The following FGF18 variants were observed in gnomAD, a reference collection of about 807,000 sequenced individuals.
The protein encoded by FGF18 is fibroblast growth factor 18.
FGF18 carries 5 observed loss-of-function variants against 23.0 expected under a neutral mutation model. The ratio of observed to expected loss-of-function variants is 0.22; its 90% CI spans 0.11 to 0.46. FGF18 has a LOEUF of 0.46. Among genes scored for constraint, FGF18 ranks in the 20% least tolerant of loss-of-function variants. The pLI is 0.99. For synonymous variants in FGF18, 117 were observed against 118.9 expected (o/e 0.98, Z 0.10); for missense variants, 180 against 291.6 (o/e 0.62, Z 2.79).
rs774335810 is a variant in FGF18, at chr5:171,436,698, G to A, written c.250+425G>A. ...AGCCTAGTGTGTGTGTTATGTGCGC[G>A]TGTGCATATGGGTGCTTTGAGCTTG... On this transcript the variant is annotated intron_variant, in intron 3 of 4. Coordinates refer to ENST00000274625, the MANE Select transcript of FGF18 (RefSeq NM_003862.3). The surrounding 1 kb of genome is among the most constrained non-coding windows in gnomAD (Gnocchi z 4.4). 5.3e-5 allele frequency among the ~76,000 whole-genome samples: 8 copies of A among 152,192 alleles called. No individual in the cohort carries two copies. The highest frequency in any genetic ancestry group is 8.8e-5 in the Non-Finnish European group (6 of 68,040).
intron 2 of FGF18, among the ~76,000 whole-genome samples, chr5:171,428,938 A>T (rs1231262233): frequency 6.6e-6 from 1 of 152,034 alleles, no homozygotes; most frequent in East Asian, 1.9e-4. Flanking sequence ...CTCGGGCCCA[A>T]CCCCCCATCC....
At chr5:171,420,320 T>C in intron 1 of FGF18, 87 bp from the exon 2 acceptor site, 1 of 1,606,974 alleles carries the variant, frequency 6.2e-7, no homozygotes, top group South Asian at 1.1e-5. Flanking sequence ...GCCCGTCGGT[T>C]CACCTGACTC....
At chr5:171,453,566 G>A (rs1232617259) in intron 4 of FGF18, among the ~76,000 whole-genome samples, 2 of 152,210 alleles carry the variant, frequency 1.3e-5, no homozygotes, top group African/African-American at 4.8e-5. Context: ...GCAGTGGCTA[G>A]GGCAGGTTCA....
chr5:171,430,812 A>T (rs909967446), intron 2 of FGF18, among the ~76,000 whole-genome samples: 1 of 102,196 alleles, frequency 9.8e-6, no homozygotes, highest in Non-Finnish European at 2.2e-5. Flanking sequence ...AAAAAAAAAA[A>T]AAAAGAAAAA....
chr5:171,420,564 C>T (rs1771989160), intron 2 of FGF18, 121 bp downstream of exon 2: 3 of 976,360 alleles, frequency 3.1e-6, no homozygotes, highest in East Asian at 2.5e-5. Flanking sequence ...GCCCAGTGCA[C>T]CTGTTCCCAG....
chr5:171,445,721 G>C (rs1772409040), intron 3 of FGF18, among the ~76,000 whole-genome samples: 1 of 152,066 alleles, frequency 6.6e-6, no homozygotes, highest in African/African-American at 2.4e-5. Context: ...GATGGATGGG[G>C]GTGAGAGTGG....
chr5:171,449,411 G>GAC (rs1772465500), intron 4 of FGF18, among the ~76,000 whole-genome samples, 158 bp downstream of exon 4: 1 of 150,962 alleles, frequency 6.6e-6, no homozygotes. Context: ...GAGAGAGAGA[G>GAC]AGAGAGAGAG....
intron 4 of FGF18, among the ~76,000 whole-genome samples, chr5:171,450,739 C>A (rs1488667065): frequency 6.6e-6 from 1 of 152,054 alleles, no homozygotes; most frequent in African/African-American, 2.4e-5. Flanking sequence ...GCCGGGGCCA[C>A]GGACTGGGGC....
At chr5:171,448,654 TG>T (rs1561890465) in intron 3 of FGF18, among the ~76,000 whole-genome samples, 1 of 152,150 alleles carries the variant, frequency 6.6e-6, no homozygotes, top group Middle Eastern at 3.4e-3. Flanking sequence ...GCTTTGGGTT[TG>T]GGGGATGGGG....
chr5:171,456,522 C>T lies in FGF18; in HGVS notation c.358-17C>T, dbSNP rs201205601. 5.7e-4 allele frequency: 919 copies of T among 1,607,560 alleles called. 9 individuals carry two copies. In the Middle Eastern group the frequency reaches 0.011, roughly 19 times the overall value. ...GAGTCATTTTTTTCTTGAACACTCC[C>T]CCTCTCTCCCCTGCAGCCCGATGGC... On this transcript the variant is annotated splice_polypyrimidine_tract_variant and intron_variant, in intron 4 of 4. Coordinates refer to ENST00000274625, the MANE Select transcript of FGF18 (RefSeq NM_003862.3). This position sits in a 1 kb window ranked among gnomAD's most constrained non-coding sequence, Gnocchi z 6.1.
At chr5:171,444,573 A>G (rs1032180142) in intron 3 of FGF18, among the ~76,000 whole-genome samples, 4 of 142,530 alleles carry the variant, frequency 2.8e-5, no homozygotes, top group Non-Finnish European at 4.6e-5. Context: ...CAGAAGGGAA[A>G]AGGTCTTTCG....
chr5:171,422,567 T>C (rs1772030332), intron 2 of FGF18, among the ~76,000 whole-genome samples: 1 of 152,076 alleles, frequency 6.6e-6, no homozygotes, highest in Non-Finnish European at 1.5e-5. Flanking sequence ...GATAAAGAAA[T>C]GTTATCCTGG....
chr5:171,447,516 C>T (rs901596396), intron 3 of FGF18, among the ~76,000 whole-genome samples: 7 of 152,170 alleles, frequency 4.6e-5, no homozygotes, highest in African/African-American at 1.4e-4. Flanking sequence ...GAATGTGCCT[C>T]CCCCTGTTTC....
At chr5:171,433,979 T>C (rs1772214079) in intron 2 of FGF18, among the ~76,000 whole-genome samples, 1 of 151,934 alleles carries the variant, frequency 6.6e-6, no homozygotes, top group South Asian at 2.1e-4. Context: ...ATGAGGAGGG[T>C]GCTGTTATCA....
chr5:171,446,113 T>C (rs1772415732), intron 3 of FGF18, among the ~76,000 whole-genome samples: 1 of 152,216 alleles, frequency 6.6e-6, no homozygotes, highest in African/African-American at 2.4e-5. Flanking sequence ...CATGATGTCA[T>C]GTGCTGAGTG....
At chr5:171,452,542 C>T (rs1196413678) in intron 4 of FGF18, among the ~76,000 whole-genome samples, 1 of 152,206 alleles carries the variant, frequency 6.6e-6, no homozygotes, top group African/African-American at 2.4e-5. Flanking sequence ...CTTCTCCTTG[C>T]TACCCTCTGG....
chr5:171,435,888 T>A (rs1342581230), intron 2 of FGF18, among the ~76,000 whole-genome samples: 1 of 152,198 alleles, frequency 6.6e-6, no homozygotes, highest in Non-Finnish European at 1.5e-5. Flanking sequence ...CTGGGCCACC[T>A]TGGGCAACTT....
At chr5:171,423,771 C>T (rs1210500486) in intron 2 of FGF18, among the ~76,000 whole-genome samples, 1 of 141,968 alleles carries the variant, frequency 7.0e-6, no homozygotes, top group Non-Finnish European at 1.5e-5. Context: ...TAGTGGATGG[C>T]ACTTTTTTTT....
rs1772603145 is a variant in FGF18 at position 171,457,434 on chromosome 5, ATGC to A, written c.*634_*636del. The A allele has an allele frequency of 6.6e-6, 1 of 152,138 alleles. No individual in the cohort carries two copies. Among genetic ancestry groups the A allele is most frequent in the African/African-American group, 2.4e-5 (1 of 41,356 alleles). 9.4% of individuals were successfully genotyped at this position (152,138 alleles called of 1,614,324 possible). Reference sequence around the variant, plus strand: ...CCTGCCTTGCTCGCAGTTCTGGAGGATGCTGCTATCGACCTTCCGTGACTCACG... The same window carrying A: ...CCTGCCTTGCTCGCAGTTCTGGAGGATGCTATCGACCTTCCGTGACTCACG... On this transcript the variant is annotated 3_prime_UTR_variant, in exon 5 of 5. Coordinates refer to ENST00000274625, the MANE Select transcript of FGF18 (RefSeq NM_003862.3).
Sources: allele counts gnomAD v4.1 joint callset (sites outside exome capture counted in the v4.1 genomes callset), GRCh38; gene constraint gnomAD v4.1.1; non-coding constraint Gnocchi (gnomAD v3.1); transcripts MANE v1.5; gene names NCBI Gene and HGNC (gene_info 2026-07-23, HGNC 2026-07-21).